The following SSH2 variants were observed in gnomAD, a reference collection of about 807,000 sequenced individuals.
SSH2 encodes slingshot protein phosphatase 2.
SSH2 carries 37 observed loss-of-function variants against 135.2 expected under a neutral mutation model. The observed-to-expected ratio is 0.27, with a 90% CI of 0.21 to 0.36. The LOEUF (loss-of-function observed/expected upper bound fraction) is 0.36. Ranked by LOEUF, SSH2 falls within the 10% of genes least tolerant of loss-of-function variation. The pLI, the probability that SSH2 is intolerant of heterozygous loss-of-function variation, is 1.00. For synonymous variants in SSH2, 628 were observed against 646.2 expected (o/e 0.97, Z 0.43); for missense variants, 1,408 against 1,765.3 (o/e 0.80, Z 3.63).
intron 2 of SSH2, among the ~76,000 whole-genome samples, chr17:29,842,475 CA>C (rs2043060421): frequency 6.8e-6 from 1 of 147,486 alleles, no homozygotes; most frequent in Non-Finnish European, 1.5e-5. Flanking sequence ...AAAAAAAGAT[CA>C]TCAGGTGATT....
chr17:29,823,414 CCT>C, intron 2 of SSH2, among the ~76,000 whole-genome samples: 1 of 152,258 alleles, frequency 6.6e-6, no homozygotes, highest in Non-Finnish European at 1.5e-5. Flanking sequence ...GGCTAATGTT[CCT>C]CTGTGTGGAT....
chr17:29,766,373 G>A (rs952197824), intron 3 of SSH2, among the ~76,000 whole-genome samples: 4 of 151,602 alleles, frequency 2.6e-5, no homozygotes, highest in Non-Finnish European at 5.9e-5. Flanking sequence ...CAGGAGAATC[G>A]CTTGAACCCG....
chr17:29,753,197 C>T (rs2041004178), intron 3 of SSH2, among the ~76,000 whole-genome samples: 1 of 152,066 alleles, frequency 6.6e-6, no homozygotes, highest in African/African-American at 2.4e-5. Context: ...ACAGCATGAA[C>T]TTGGCTCACG....
At chr17:29,667,287 G>C (rs2037318536) in intron 9 of SSH2, 64 bp from the exon 10 acceptor site, 1 of 1,174,192 alleles carries the variant, frequency 8.5e-7, no homozygotes, top group African/African-American at 1.5e-5. Context: ...TTCTTAAATG[G>C]GAAAGAAAGA....
At chr17:29,854,892 A>G (rs2065634448) in intron 1 of SSH2, among the ~76,000 whole-genome samples, 1 of 152,068 alleles carries the variant, frequency 6.6e-6, no homozygotes, top group Non-Finnish European at 1.5e-5. Context: ...GGTTGCAGTG[A>G]GCCGAGATTG....
Position 29,655,564 on chromosome 17 carries a change from C to T in SSH2, c.1076G>A (p.Arg359Gln), listed in dbSNP as rs747806416. ...NASNLEDLQN[R>Q]GVRYILNVTR... ...AGCTATTGCTTTGTGTGCTTACCCT[C>T]GGTTCTGTAAGTCCTCTAAGTTGGA... is the stretch of plus-strand genomic sequence containing the variant. The change falls in exon 12 of 16, where the codon CGA becomes CAA. Residue 359 changes from arginine (R) to glutamine (Q), a missense_variant. Physicochemically the swap from Arg to Gln is conservative, Grantham distance 43. Around this residue, in one of 3 missense-constraint regions of SSH2, gnomAD observed 106 missense variants for 265.2 expected, o/e 0.40. Coordinates refer to ENST00000540801, the MANE Select transcript of SSH2 (RefSeq NM_001282129.2). 1.2e-6 allele frequency: 2 copies of T among 1,614,028 alleles called. No homozygotes were observed. Among genetic ancestry groups the T allele is most frequent in the South Asian group, 1.1e-5 (1 of 91,072 alleles).
At chr17:29,911,501 A>G (rs372995054) in intron 1 of SSH2, among the ~76,000 whole-genome samples, 3 of 152,344 alleles carry the variant, frequency 2.0e-5, no homozygotes, top group East Asian at 3.9e-4. Flanking sequence ...CCCATTCTAC[A>G]GAGACGGAAA....
chr17:29,761,884 TA>T lies in SSH2; in HGVS notation c.188+32009del, dbSNP rs754949630. On this transcript the variant is annotated intron_variant, in intron 3 of 15. Coordinates refer to ENST00000540801, the MANE Select transcript of SSH2 (RefSeq NM_001282129.2). ...GTGTGTGTGTGTGTATATATATATA[TA>T]TATTTTTTTTTGAGATGGAGTTTCT... is the stretch of plus-strand genomic sequence containing the variant. 7.1e-3 allele frequency among the ~76,000 whole-genome samples: 874 copies of T among 123,434 alleles called. 11 individuals are homozygous for T. The highest frequency in any genetic ancestry group is 0.014 in the African/African-American group (503 of 35,100). 81.0% of individuals were successfully genotyped at this position (123,434 alleles called of 152,430 possible).
intron 2 of SSH2, among the ~76,000 whole-genome samples, chr17:29,844,531 T>C (rs892596938): frequency 1.3e-5 from 2 of 152,210 alleles, no homozygotes; most frequent in African/African-American, 4.8e-5. Context: ...TCAGTGCCTG[T>C]TGCAGTCACT....
intron 1 of SSH2, among the ~76,000 whole-genome samples, chr17:29,911,310 G>A (rs963883097): frequency 2.6e-5 from 4 of 152,148 alleles, no homozygotes; most frequent in Admixed American, 6.5e-5. Flanking sequence ...CAGTTACAGA[G>A]TTGTATGCCC....
intron 4 of SSH2, among the ~76,000 whole-genome samples, chr17:29,695,785 A>C (rs551108670): frequency 1.3e-5 from 2 of 152,266 alleles, no homozygotes; most frequent in Admixed American, 1.3e-4. Flanking sequence ...GACCAGTCTC[A>C]GTTTTGTATT....
At chr17:29,751,671 A>G (rs1357896833) in intron 3 of SSH2, among the ~76,000 whole-genome samples, 1 of 152,176 alleles carries the variant, frequency 6.6e-6, no homozygotes, top group East Asian at 1.9e-4. Flanking sequence ...CATCCCCATT[A>G]TAATCTTATG....
intron 3 of SSH2, among the ~76,000 whole-genome samples, chr17:29,715,816 C>T (rs996607552): frequency 5.9e-5 from 9 of 152,150 alleles, no homozygotes; most frequent in South Asian, 2.1e-4. Context: ...AGCACATTCA[C>T]GGTCTCAGTG....
At chr17:29,729,743 G>A (rs1317922389) in intron 3 of SSH2, among the ~76,000 whole-genome samples, 1 of 152,072 alleles carries the variant, frequency 6.6e-6, no homozygotes, top group Non-Finnish European at 1.5e-5. Context: ...CAACATGGAT[G>A]GACTGGAGGT....
At chr17:29,895,218 T>TTTATAAATACATTTTATATATACA (rs1455921108) in intron 1 of SSH2, among the ~76,000 whole-genome samples, 1 of 142,430 alleles carries the variant, frequency 7.0e-6, no homozygotes, top group African/African-American at 2.6e-5. Flanking sequence ...TTATATATAT[T>TTTATAAATACATTTTATATATACA]TTATAAATAC....
rs531504945 is a variant in SSH2 at position 29,636,519 on chromosome 17, C to T, written c.1711G>A (p.Asp571Asn). The T allele has an allele frequency of 1.2e-6, 2 of 1,614,160 alleles. No homozygotes were observed. The highest frequency in any genetic ancestry group is 2.2e-5 in the South Asian group (2 of 91,072). ...SREFHAGQIEDELNLNDINGC... is the reference protein window; with the variant it reads ...SREFHAGQIENELNLNDINGC... ...TTGATGTCATTTAAGTTTAATTCATCCTCAATCTGTCCAGCATGAAATTCC... is the reference window on the plus strand; with the variant it reads ...TTGATGTCATTTAAGTTTAATTCATTCTCAATCTGTCCAGCATGAAATTCC... Residue 571 changes from aspartate (D) to asparagine (N), a missense_variant, in exon 15 of 16, where the codon GAT (aspartate) becomes AAT (asparagine). By Grantham distance (23) the Asp-to-Asn change is conservative. Transcript: ENST00000540801.
chr17:29,834,478 G>C (rs2151370270), intron 2 of SSH2, among the ~76,000 whole-genome samples: 1 of 151,796 alleles, frequency 6.6e-6, no homozygotes, highest in South Asian at 2.1e-4. Flanking sequence ...AAATATTATA[G>C]AACACATTAT....
chr17:29,715,370 C>T (rs1263546963), intron 3 of SSH2, among the ~76,000 whole-genome samples: 1 of 151,904 alleles, frequency 6.6e-6, no homozygotes, highest in Non-Finnish European at 1.5e-5. Flanking sequence ...CTCAGCCTCC[C>T]GAATAGTTAG....
At chr17:29,853,646 G>A (rs553034115) in intron 1 of SSH2, among the ~76,000 whole-genome samples, 2 of 151,920 alleles carry the variant, frequency 1.3e-5, no homozygotes, top group East Asian at 3.9e-4. Flanking sequence ...ACTAAACTGA[G>A]TTCATATCCT....
Sources: gnomAD v4.1 joint callset for allele counts (sites outside exome capture counted in the v4.1 genomes callset) on GRCh38, gnomAD v4.1.1 for gene constraint, gnomAD v4.1.1 regional missense constraint, MANE v1.5 for transcripts, NCBI Gene and HGNC (gene_info 2026-07-23, HGNC 2026-07-21) for gene names.